The following RBFOX2 variants were observed in gnomAD, a reference collection of about 807,000 sequenced individuals.
RBFOX2 encodes the protein RNA binding fox-1 homolog 2.
In RBFOX2, 10 loss-of-function variants were observed where a neutral mutation model predicts 49.1. The observed-to-expected ratio is 0.20, with a 90% CI of 0.13 to 0.35. The LOEUF is 0.35. Among genes scored for constraint, RBFOX2 ranks in the 10% least tolerant of loss-of-function variants. RBFOX2 has a pLI of 1.00. For synonymous variants in RBFOX2, 183 were observed against 187.4 expected, an observed-to-expected ratio of 0.98 and a Z score of 0.19; for missense variants, 323 against 486.9, an observed-to-expected ratio of 0.66 and a Z score of 3.17.
At chr22:35,873,134 TG>T (rs1312205305) in intron 1 of RBFOX2, among the ~76,000 whole-genome samples, 1 of 152,116 alleles carries the variant, frequency 6.6e-6, no homozygotes, top group Non-Finnish European at 1.5e-5. Context: ...GTTACTGAAT[TG>T]GTTGTTTCTT....
At chr22:35,933,887 T>C (rs1336030413) in intron 1 of RBFOX2, among the ~76,000 whole-genome samples, 1 of 148,748 alleles carries the variant, frequency 6.7e-6, no homozygotes, top group Non-Finnish European at 1.5e-5. Context: ...CCTGCCAGTT[T>C]ATAGAAGTCG....
intron 4 of RBFOX2, among the ~76,000 whole-genome samples, chr22:35,770,912 C>A (rs961080605): frequency 6.6e-6 from 1 of 152,006 alleles, no homozygotes; most frequent in Admixed American, 6.6e-5. Flanking sequence ...AAAGGAAATG[C>A]GAATCAAGAT....
intron 1 of RBFOX2, among the ~76,000 whole-genome samples, chr22:36,025,087 C>T (rs1216599025): frequency 1.3e-5 from 2 of 152,166 alleles, no homozygotes; most frequent in African/African-American, 4.8e-5. Flanking sequence ...GGATTACAGG[C>T]GTGAGCCACT....
chr22:35,935,594 A>G lies in RBFOX2; in HGVS notation c.-34+3253T>C, dbSNP rs2052967767. ...CTTGGTGCTAACAAACTTAGTAGTA[A>G]TAATCTTTAATCAGGAGTCACAGAC... On this transcript the variant is annotated intron_variant, in intron 1 of 13. Coordinates refer to the RBFOX2 transcript ENST00000359369. Among the ~76,000 whole-genome samples the G allele has an allele frequency of 2.0e-5, 3 of 152,198 alleles. No homozygotes were observed. The South Asian group carries it at 6.2e-4, about 32-fold the overall frequency.
chr22:35,767,803 C>A (rs555470937), intron 5 of RBFOX2, among the ~76,000 whole-genome samples: 13 of 152,100 alleles, frequency 8.5e-5, no homozygotes, highest in Non-Finnish European at 1.5e-4. Flanking sequence ...GGCGAACTGG[C>A]CTCCCAAGAG....
chr22:35,953,444 C>T (rs2055187432), intron 1 of RBFOX2, among the ~76,000 whole-genome samples: 1 of 152,000 alleles, frequency 6.6e-6, no homozygotes, highest in African/African-American at 2.4e-5. Context: ...TATATAAAAT[C>T]TCCAGAACAG....
intron 1 of RBFOX2, among the ~76,000 whole-genome samples, chr22:35,916,850 GAC>G: frequency 6.7e-6 from 1 of 149,800 alleles, no homozygotes. Flanking sequence ...CAGCCTGGGA[GAC>G]ACAGAGAGAC....
At chr22:35,865,819 T>C (rs2043613044) in intron 1 of RBFOX2, among the ~76,000 whole-genome samples, 1 of 152,318 alleles carries the variant, frequency 6.6e-6, no homozygotes, top group Admixed American at 6.5e-5. Context: ...ATAATACATA[T>C]CTGGCTTCCA....
At chr22:35,947,210 T>G (rs1184674007) in intron 1 of RBFOX2, among the ~76,000 whole-genome samples, 1 of 151,906 alleles carries the variant, frequency 6.6e-6, no homozygotes, top group African/African-American at 2.4e-5. Context: ...AAAAAAAGAT[T>G]ATAATGAAGC....
chr22:35,821,797 T>G (rs757134421), intron 1 of RBFOX2: 2 of 518,616 alleles, frequency 3.9e-6, no homozygotes, highest in African/African-American at 3.9e-5. Flanking sequence ...ACACCTGATC[T>G]ACCCATAGGA....
At chr22:36,025,368 AT>A (rs2059393789) in intron 1 of RBFOX2, among the ~76,000 whole-genome samples, 1 of 151,948 alleles carries the variant, frequency 6.6e-6, no homozygotes. Flanking sequence ...TTCCGTAACC[AT>A]CTTCATTCTC....
intron 2 of RBFOX2, among the ~76,000 whole-genome samples, chr22:35,801,842 A>T (rs1040478720): frequency 6.6e-6 from 1 of 152,078 alleles, no homozygotes; most frequent in African/African-American, 2.4e-5. Flanking sequence ...AGATCAAATA[A>T]AATAAAATGT....
chr22:35,883,044 T>C lies in RBFOX2; in HGVS notation c.-34+55803A>G, dbSNP rs2046122631. 2.0e-5 allele frequency among the ~76,000 whole-genome samples: 3 copies of C among 152,212 alleles called. No homozygotes were observed. In the South Asian group the frequency reaches 6.2e-4, roughly 31 times the overall value. ...CTCTGAAATCTAGCAGGGCAAACAC[T>C]GAAAGTTCCTTGATTAGGTCTCAAC... On this transcript the variant is annotated intron_variant, in intron 1 of 13. Coordinates refer to the RBFOX2 transcript ENST00000359369.
chr22:35,844,209 C>A (rs559379483), upstream of RBFOX2, among the ~76,000 whole-genome samples: 1 of 152,124 alleles, frequency 6.6e-6, no homozygotes, highest in Non-Finnish European at 1.5e-5. Context: ...TGGTACATAA[C>A]GGTTGGAGTT....
intron 1 of RBFOX2, among the ~76,000 whole-genome samples, chr22:35,821,602 C>CA (rs1158936385): frequency 0.087 from 3,162 of 36,414 alleles, 829 homozygotes; most frequent in East Asian, 0.15. Context: ...ACTCCGTCTC[C>CA]AAAAAAAAAA....
intron 5 of RBFOX2, among the ~76,000 whole-genome samples, chr22:35,768,006 AACAC>A (rs1235490163): frequency 1.3e-5 from 2 of 152,040 alleles, no homozygotes; most frequent in Non-Finnish European, 1.5e-5. Flanking sequence ...ATGAAAAACA[AACAC>A]ACACACACGC....
chr22:35,963,118 A>G (rs545118442), upstream of RBFOX2, among the ~76,000 whole-genome samples: 1 of 151,718 alleles, frequency 6.6e-6, no homozygotes, highest in Admixed American at 6.6e-5. Context: ...TAGTATAATA[A>G]CAGTCATCTA....
At chr22:35,868,325 T>G (rs1273638276) in intron 1 of RBFOX2, among the ~76,000 whole-genome samples, 1 of 152,200 alleles carries the variant, frequency 6.6e-6, no homozygotes, top group Non-Finnish European at 1.5e-5. Flanking sequence ...TTGAATCAAA[T>G]AAGGACCAAT....
At chr22:35,799,257 A>G (rs1216059128) in intron 2 of RBFOX2, among the ~76,000 whole-genome samples, 1 of 152,226 alleles carries the variant, frequency 6.6e-6, no homozygotes, top group East Asian at 1.9e-4. Context: ...GCCATTTAGA[A>G]AAGTATCTAA....
Sources: allele counts gnomAD v4.1 joint callset (sites outside exome capture counted in the v4.1 genomes callset), GRCh38; gene constraint gnomAD v4.1.1; transcripts MANE v1.5; gene names NCBI Gene and HGNC (gene_info 2026-07-23, HGNC 2026-07-21).